The following CCDC170 variants were observed in gnomAD, a reference collection of about 807,000 sequenced individuals.
CCDC170 encodes coiled-coil domain-containing protein 170.
Under a neutral mutation model 72.6 loss-of-function variants are expected in CCDC170, and 69 were observed. That is an observed-to-expected ratio of 0.95 (90% CI 0.78 to 1.16). CCDC170 has a LOEUF of 1.16. CCDC170 is among the 50% of genes most tolerant of loss of function. CCDC170 has a pLI of 0.00. For missense variants in CCDC170, 852 were observed against 832.5 expected (o/e 1.02, Z -0.29); for synonymous variants, 300 against 303.9 (o/e 0.99, Z 0.13).
chr6:151,567,062 A>C (rs1461454883), intron 5 of CCDC170, among the ~76,000 whole-genome samples: 3 of 152,100 alleles, frequency 2.0e-5, no homozygotes, highest in Non-Finnish European at 4.4e-5. Context: ...CTAGGATTAC[A>C]GGCATGCACC....
At chr6:151,554,161 C>CT (rs1179999261) in intron 5 of CCDC170, among the ~76,000 whole-genome samples, 1 of 152,134 alleles carries the variant, frequency 6.6e-6, no homozygotes, top group African/African-American at 2.4e-5. Context: ...GTACTTGGTA[C>CT]TTTTTCCCTT....
At chr6:151,561,571 A>G (rs1183611861) in intron 5 of CCDC170, among the ~76,000 whole-genome samples, 1 of 152,090 alleles carries the variant, frequency 6.6e-6, no homozygotes, top group African/African-American at 2.4e-5. Context: ...GTTTCTACTG[A>G]GAAGTCTACT....
At chr6:151,585,374 T>C (rs1231645074) in intron 6 of CCDC170, among the ~76,000 whole-genome samples, 1 of 152,156 alleles carries the variant, frequency 6.6e-6, no homozygotes. Context: ...GTTTAGGGCA[T>C]AGGTAACCAA....
chr6:151,555,825 T>C (rs1782965125), intron 5 of CCDC170, among the ~76,000 whole-genome samples: 1 of 152,248 alleles, frequency 6.6e-6, no homozygotes, highest in Non-Finnish European at 1.5e-5. Flanking sequence ...TAAACAGCCT[T>C]AGATCTTTCA....
chr6:151,567,067 T>G (rs1013028828), intron 5 of CCDC170, among the ~76,000 whole-genome samples: 1 of 152,068 alleles, frequency 6.6e-6, no homozygotes, highest in African/African-American at 2.4e-5. Context: ...ATTACAGGCA[T>G]GCACCACCAC....
chr6:151,590,996 A>G (rs1042588816), intron 7 of CCDC170, among the ~76,000 whole-genome samples: 2 of 152,250 alleles, frequency 1.3e-5, no homozygotes, highest in South Asian at 2.1e-4. Context: ...AAAGCAGTTT[A>G]TGGTATTGTA....
Position 151,618,109 on chromosome 6 carries a change from G to C in CCDC170, c.2110G>C (p.Glu704Gln). The C allele has an allele frequency of 6.2e-7, 1 of 1,614,186 alleles. No homozygotes were observed. Among genetic ancestry groups the C allele is most frequent in the Non-Finnish European group, 8.5e-7 (1 of 1,180,034 alleles). The change falls in exon 11 of 11, where the codon GAG (glutamate) becomes CAG (glutamine). Residue 704 changes from glutamate to glutamine, a missense_variant. Coordinates refer to ENST00000239374, the MANE Select transcript of CCDC170 (RefSeq NM_025059.4). ...ACLKDVTTGQ[E>Q]RHPQGHLQLL... ...CCTCAAAGATGTGACTACTGGGCAA[G>C]AGAGGCACCCACAAGGCCATTTACA... is the stretch of plus-strand genomic sequence containing the variant.
At chr6:151,571,230 T>A (rs578120854) in intron 5 of CCDC170, among the ~76,000 whole-genome samples, 1 of 152,290 alleles carries the variant, frequency 6.6e-6, no homozygotes, top group African/African-American at 2.4e-5. Context: ...CAGCCTGAAA[T>A]GTTATCAGCT....
intron 5 of CCDC170, among the ~76,000 whole-genome samples, chr6:151,572,038 A>C (rs1292314700): frequency 6.6e-6 from 1 of 152,098 alleles, no homozygotes; most frequent in Non-Finnish European, 1.5e-5. Flanking sequence ...TATTTTATAT[A>C]AGATGGGGGT....
intron 1 of CCDC170, among the ~76,000 whole-genome samples, chr6:151,516,655 C>T (rs1462349579): frequency 6.6e-6 from 1 of 151,998 alleles, no homozygotes; most frequent in African/African-American, 2.4e-5. Flanking sequence ...CAGCTCTCTC[C>T]CTTGAAAGAG....
intron 3 of CCDC170, 118 bp from the exon 4 acceptor site, chr6:151,544,454 A>G: frequency 9.9e-7 from 1 of 1,005,648 alleles, no homozygotes; most frequent in South Asian, 1.8e-5. Context: ...TGTCTGGGAA[A>G]CTGTGTTGTG....
rs1236361253 is a variant in CCDC170, at chr6:151,541,037, C to T, written c.443+2736C>T. ...TTTTGCTACCATTCTCCCCCTTATT[C>T]TTTCTATTCCAGATCTCTGGCTTCT... On this transcript the variant is annotated intron_variant, in intron 3 of 10. Transcript: ENST00000239374. Among the ~76,000 whole-genome samples the T allele has an allele frequency of 2.0e-5, 3 of 152,162 alleles. No homozygotes were observed. The South Asian group carries it at 6.2e-4, about 32-fold the overall frequency.
chr6:151,526,270 T>C (rs1782409617), intron 1 of CCDC170, among the ~76,000 whole-genome samples: 1 of 151,848 alleles, frequency 6.6e-6, no homozygotes, highest in African/African-American at 2.4e-5. Context: ...ATGTCCAGGC[T>C]GGAGTGCAGT....
intron 5 of CCDC170, among the ~76,000 whole-genome samples, chr6:151,553,945 T>G (rs9397428): frequency 0.14 from 21,928 of 152,070 alleles, 2,078 homozygotes; most frequent in East Asian, 0.5. Flanking sequence ...CCAGAAGGAC[T>G]GCAGAAGTAG....
chr6:151,617,408 C>CTTTTTTTTTTTTTTTTTTTT (rs745655791), intron 10 of CCDC170, among the ~76,000 whole-genome samples: 5 of 91,466 alleles, frequency 5.5e-5, no homozygotes, highest in Admixed American at 1.4e-4. Flanking sequence ...GCTGTTTGTT[C>CTTTTTTTTTTTTTTTTTTTT]TTTTTTTTTT....
chr6:151,558,920 T>G (rs1308376590), intron 5 of CCDC170, among the ~76,000 whole-genome samples: 2 of 152,180 alleles, frequency 1.3e-5, no homozygotes, highest in Admixed American at 1.3e-4. Context: ...TTTTTCCATT[T>G]CTATGAAAAA....
intron 1 of CCDC170, among the ~76,000 whole-genome samples, chr6:151,524,009 A>G (rs1430195044): frequency 6.6e-6 from 1 of 152,224 alleles, no homozygotes; most frequent in Non-Finnish European, 1.5e-5. Flanking sequence ...GGGATCCAGA[A>G]GAGGGTTGCT....
At chr6:151,568,302 T>C (rs1313797667) in intron 5 of CCDC170, among the ~76,000 whole-genome samples, 1 of 152,110 alleles carries the variant, frequency 6.6e-6, no homozygotes, top group Non-Finnish European at 1.5e-5. Context: ...TTGTCTGTAT[T>C]AAAGTTTGAA....
rs765425390 is a variant in CCDC170, at chr6:151,585,966, T to A, written c.1170T>A (p.Ala390=). 4 of 1,613,918 alleles carry A rather than the reference T, an allele frequency of 2.5e-6. No homozygotes were observed. Among genetic ancestry groups the A allele is most frequent in the African/African-American group, 2.7e-5 (2 of 74,934 alleles). The part of the protein sequence containing the change: ...LGKESGFHQK[A]LQRAQKAENM... Reference sequence around the variant, plus strand: ...AGGAGTCTGGGTTTCACCAGAAAGCTCTCCAGAGGGCCCAGAAAGCAGAGA... The same window carrying A: ...AGGAGTCTGGGTTTCACCAGAAAGCACTCCAGAGGGCCCAGAAAGCAGAGA... The change falls in exon 7 of 11, where the codon GCT becomes GCA. Residue 390 remains alanine, a synonymous_variant. Transcript: ENST00000239374.
Sources: allele counts gnomAD v4.1 joint callset (sites outside exome capture counted in the v4.1 genomes callset), GRCh38; gene constraint gnomAD v4.1.1; transcripts MANE v1.5; gene names NCBI Gene and HGNC (gene_info 2026-07-23, HGNC 2026-07-21).